Variants in ARVCF observed in about 807,000 individuals in gnomAD.
ARVCF encodes splicing regulator ARVCF.
Under a neutral mutation model 90.9 loss-of-function variants are expected in ARVCF, and 66 were observed. The ratio of observed to expected loss-of-function variants is 0.73; its 90% CI spans 0.60 to 0.89. The LOEUF (loss-of-function observed/expected upper bound fraction) is 0.89, where lower values mean the gene tolerates loss of function less well. Among genes scored for constraint, ARVCF ranks in the 40% least tolerant of loss-of-function variants. ARVCF has a pLI of 0.00. For synonymous variants in ARVCF, 653 were observed against 603.4 expected (o/e 1.08, Z -1.21); for missense variants, 1,469 against 1,382.3 (o/e 1.06, Z -1.00).
chr22:19,984,587 T>C (rs1346215528), intron 3 of ARVCF, among the ~76,000 whole-genome samples: 2 of 152,118 alleles, frequency 1.3e-5, no homozygotes, highest in African/African-American at 4.8e-5. Context: ...TGCATATACA[T>C]GACCCCTCAG....
intron 3 of ARVCF, among the ~76,000 whole-genome samples, chr22:19,989,220 C>T (rs1006863762): frequency 6.6e-6 from 1 of 151,960 alleles, no homozygotes; most frequent in Non-Finnish European, 1.5e-5. Context: ...GCCCCAGCAC[C>T]GAGACCCACC....
At chr22:19,980,371 T>A (rs1266744660) in intron 5 of ARVCF, 129 bp from the exon 6 acceptor site, 1 of 1,337,006 alleles carries the variant, frequency 7.5e-7, no homozygotes, top group Non-Finnish European at 9.7e-7. Context: ...CACCTGTATC[T>A]TGGCCCGGAG....
In ARVCF at chr22:19,973,700, C is replaced by G; in HGVS notation, c.2182G>C (p.Ala728Pro). The change falls in exon 13 of 20, where the codon GCC (alanine) becomes CCC (proline). Residue 728 changes from alanine to proline, a missense_variant. Ala to Pro is a conservative substitution (Grantham distance 27, BLOSUM62 -1). Transcript: ENST00000263207. ...LQSETDKVVR[A>P]VAIALRNLSL... ...AGGTTGCGCAGAGCGATGGCGACGG[C>G]GCGCACCACCTTGTCGGTCTCAGAC... 6.2e-7 allele frequency: 1 copy of G among 1,610,116 alleles called. No homozygotes were observed. The highest frequency in any genetic ancestry group is 1.1e-5 in the South Asian group (1 of 91,078).
intron 3 of ARVCF, chr22:19,986,819 C>T (rs1200569967): frequency 4.8e-6 from 2 of 418,884 alleles, no homozygotes; most frequent in African/African-American, 2.1e-5. Context: ...CCAGGGGTCC[C>T]GACCCCCCCA....
At position 19,978,008 on chromosome 22, in the gene ARVCF, G is replaced by A; in HGVS notation, c.1648C>T (p.Leu550Phe). ...ACAGCCGACTGCAGGGCATGCAGGAGCGCGTCCACCAGCCCTTCACACTCC... is the reference window on the plus strand; with the variant it reads ...ACAGCCGACTGCAGGGCATGCAGGAACGCGTCCACCAGCCCTTCACACTCC... ...LRECEGLVDA[L>F]LHALQSAVGR... Residue 550 changes from leucine to phenylalanine, a missense_variant, in exon 8 of 20, where the codon CTC (leucine) becomes TTC (phenylalanine). Leu to Phe is a conservative substitution (Grantham distance 22, BLOSUM62 0). Transcript: ENST00000263207. 9.9e-6 allele frequency: 16 copies of A among 1,612,096 alleles called. No homozygotes were observed. The highest frequency in any genetic ancestry group is 1.3e-5 in the African/African-American group (1 of 75,012).
At chr22:19,993,685 GC>G (rs1158228301) in intron 2 of ARVCF, among the ~76,000 whole-genome samples, 1 of 152,208 alleles carries the variant, frequency 6.6e-6, no homozygotes, top group African/African-American at 2.4e-5. Flanking sequence ...AAACATGCTG[GC>G]CCCAGAAGTT....
At chr22:19,991,471 G>T (rs1435814262) in intron 2 of ARVCF, among the ~76,000 whole-genome samples, 1 of 152,272 alleles carries the variant, frequency 6.6e-6, no homozygotes, top group African/African-American at 2.4e-5. Context: ...TAAAAACTGA[G>T]GACAAGCCTG....
At chr22:20,015,707 C>T (rs1475177024) in intron 1 of ARVCF, among the ~76,000 whole-genome samples, 3 of 152,154 alleles carry the variant, frequency 2.0e-5, no homozygotes, top group Non-Finnish European at 4.4e-5. Context: ...CCTGGGTACT[C>T]ACCTGAGGTT....
At chr22:19,973,081 CCG>C (rs1400406927) in intron 14 of ARVCF, 36 bp downstream of exon 14, 1 of 1,602,864 alleles carries the variant, frequency 6.2e-7, no homozygotes. Context: ...TCCCCCACCT[CCG>C]CGGCTCCCCA....
chr22:19,971,751 C>T (rs984844048), intron 18 of ARVCF, 135 bp downstream of exon 18: 1 of 903,494 alleles, frequency 1.1e-6, no homozygotes, highest in Non-Finnish European at 1.7e-6. Flanking sequence ...GAAGGGGCTG[C>T]TTCCTGGGCT....
At chr22:19,986,874 A>T (rs990317098) in intron 3 of ARVCF, among the ~76,000 whole-genome samples, 1 of 151,866 alleles carries the variant, frequency 6.6e-6, no homozygotes, top group Non-Finnish European at 1.5e-5. Context: ...CGCCCTGCAT[A>T]CCCGGGGGCA....
chr22:19,987,428 C>T (rs991277516), intron 3 of ARVCF, among the ~76,000 whole-genome samples: 1 of 150,892 alleles, frequency 6.6e-6, no homozygotes, highest in Non-Finnish European at 1.5e-5. Flanking sequence ...CTTCTGCTCC[C>T]TCCCCCTCCC....
rs143766205 is a variant in ARVCF at position 19,977,989 on chromosome 22, G to A, written c.1667C>T (p.Ser556Leu). The A allele has an allele frequency of 2.8e-5, 45 of 1,611,110 alleles. No individual in the cohort carries two copies. In the Middle Eastern group the frequency reaches 4.9e-4, roughly 18 times the overall value. ...LVDALLHALQSAVGRKDTDNK... is the reference protein window; with the variant it reads ...LVDALLHALQLAVGRKDTDNK... Reference sequence around the variant, plus strand: ...GTCAGTGTCCTTCCGGCCCACAGCCGACTGCAGGGCATGCAGGAGCGCGTC... The same window carrying A: ...GTCAGTGTCCTTCCGGCCCACAGCCAACTGCAGGGCATGCAGGAGCGCGTC... The change falls in exon 8 of 20, where the codon TCG becomes TTG. Residue 556 changes from serine to leucine, a missense_variant. Coordinates refer to ENST00000263207, the MANE Select transcript of ARVCF (RefSeq NM_001670.3).
At chr22:19,982,719 C>A (rs138690643) in intron 3 of ARVCF, among the ~76,000 whole-genome samples, 1 of 152,352 alleles carries the variant, frequency 6.6e-6, no homozygotes, top group African/African-American at 2.4e-5. Flanking sequence ...ACCTGCAGCA[C>A]CAGTATGTCC....
At chr22:19,997,831 T>C (rs1456907096) in intron 2 of ARVCF, among the ~76,000 whole-genome samples, 1 of 152,176 alleles carries the variant, frequency 6.6e-6, no homozygotes, top group Non-Finnish European at 1.5e-5. Context: ...GGGCCGGACA[T>C]TGGTGGCGGT....
chr22:19,992,244 A>C (rs1324250654), intron 2 of ARVCF, among the ~76,000 whole-genome samples: 2 of 152,222 alleles, frequency 1.3e-5, no homozygotes, highest in African/African-American at 2.4e-5. Context: ...CACCTGTCCC[A>C]CAAATGAAAC....
chr22:19,974,425 C>T (rs1443082147), intron 11 of ARVCF, 186 bp from the exon 12 acceptor site: 1 of 708,222 alleles, frequency 1.4e-6, no homozygotes, highest in African/African-American at 1.8e-5. Flanking sequence ...TCCCATTTCA[C>T]AGAGGAACAA....
rs1379150130 is a variant in ARVCF, at chr22:19,973,321, AG to A, written c.2240-5del. The A allele has an allele frequency of 6.3e-7, 1 of 1,591,732 alleles. No homozygotes were observed. The highest frequency in any genetic ancestry group is 2.3e-5 in the East Asian group (1 of 44,244). On this transcript the variant is annotated splice_region_variant and splice_polypyrimidine_tract_variant and intron_variant, in intron 13 of 19. Transcript: ENST00000263207. ...AGCTCAGCCATGGCGTAGCTCCCTG[AG>A]GGGCAGGACTAGGTGTCAGAACACA...
chr22:19,981,495 C>A lies in ARVCF; in HGVS notation c.612G>T (p.Leu204=). 6.4e-7 allele frequency: 1 copy of A among 1,556,100 alleles called. No individual in the cohort carries two copies. The highest frequency in any genetic ancestry group is 1.2e-5 in the South Asian group (1 of 84,434). Residue 204 remains leucine, a synonymous_variant, in exon 5 of 20, where the codon CTG becomes CTT. Transcript: ENST00000263207. ...EPRDSPSYGS[L]SRGLGMRPPR... is the part of the protein sequence containing the mutation. ...GGGGCCGCATGCCCAGCCCTCGGGA[C>A]AGGCTGCCATAGCTGGGGCTGTCCC...
Sources: gnomAD v4.1 joint callset for allele counts (sites outside exome capture counted in the v4.1 genomes callset) on GRCh38, gnomAD v4.1.1 for gene constraint, MANE v1.5 for transcripts, NCBI Gene and HGNC (gene_info 2026-07-23, HGNC 2026-07-21) for gene names.